Variants in PIK3C3 observed in about 807,000 individuals in gnomAD.
PIK3C3 encodes the protein phosphatidylinositol 3-kinase catalytic subunit type 3.
A neutral mutation model predicts 126.1 loss-of-function variants in PIK3C3; 95 were observed. The observed-to-expected ratio is 0.75, with a 90% CI of 0.64 to 0.89. The LOEUF (loss-of-function observed/expected upper bound fraction) is 0.89. PIK3C3 is among the 40% of genes least tolerant of loss of function. PIK3C3 has a pLI of 0.00. For missense variants in PIK3C3, 829 were observed against 1,063.2 expected (o/e 0.78, Z 3.06); for synonymous variants, 374 against 360.0 (o/e 1.04, Z -0.44).
intron 22 of PIK3C3, among the ~76,000 whole-genome samples, chr18:42,063,863 C>T (rs1223697960): frequency 6.6e-6 from 1 of 152,114 alleles, no homozygotes; most frequent in East Asian, 1.9e-4. Context: ...ACTGAAACAG[C>T]TAAAACCCTT....
intron 10 of PIK3C3, among the ~76,000 whole-genome samples, chr18:42,013,152 C>T (rs1023250234): frequency 3.4e-5 from 5 of 146,008 alleles, no homozygotes; most frequent in Admixed American, 6.9e-5. Context: ...ACCTAAAACA[C>T]GTCATTTACT....
At chr18:42,037,660 C>A (rs1184164418) in intron 16 of PIK3C3, 32 bp from the exon 17 acceptor site, 15 of 1,585,576 alleles carry the variant, frequency 9.5e-6, no homozygotes, top group African/African-American at 2.7e-5. Flanking sequence ...TAATTCATGG[C>A]CAAATTTGAA....
chr18:42,017,146 A>G (rs1983112127), intron 12 of PIK3C3, among the ~76,000 whole-genome samples: 1 of 152,018 alleles, frequency 6.6e-6, no homozygotes, highest in South Asian at 2.1e-4. Flanking sequence ...CCCTTCCCCT[A>G]TTCCCATAGA....
chr18:42,040,541 A>C, intron 18 of PIK3C3, 136 bp from the exon 19 acceptor site: 4 of 594,850 alleles, frequency 6.7e-6, no homozygotes, highest in Non-Finnish European at 1.2e-5. Flanking sequence ...AACTTAATGT[A>C]GTGTACACTG....
At chr18:42,021,260 T>C (rs551581744) in intron 13 of PIK3C3, among the ~76,000 whole-genome samples, 1 of 152,284 alleles carries the variant, frequency 6.6e-6, no homozygotes, top group African/African-American at 2.4e-5. Context: ...CAAGCATAAA[T>C]ATCTCTATTT....
At position 42,063,141 on chromosome 18, in the gene PIK3C3, G is replaced by A. The variant is rs148051610; in HGVS notation, c.2433-1599G>A. Among the ~76,000 whole-genome samples the A allele has an allele frequency of 2.3e-3, 276 of 118,622 alleles. 2 individuals are homozygous for A. Among genetic ancestry groups the A allele is most frequent in the African/African-American group, 5.1e-3 (117 of 22,796 alleles). 77.8% of individuals were successfully genotyped at this position (118,622 alleles called of 152,430 possible). A position where few individuals can be genotyped will look rare whatever the true frequency, so the allele number is the denominator to read the frequency against. On this transcript the variant is annotated intron_variant, in intron 22 of 24. Transcript: ENST00000262039. ...AGTGCATTTCAAATACAACTATACC[G>A]CCTTAAGATGCCTCTCTCTCATTTT...
intron 24 of PIK3C3, among the ~76,000 whole-genome samples, chr18:42,076,089 CATAT>C (rs71174077): frequency 0.014 from 771 of 54,584 alleles, 17 homozygotes; most frequent in African/African-American, 0.03. Flanking sequence ...CTTTACCTTG[CATAT>C]ATATATATAT....
At chr18:42,026,273 A>G (rs1983563923) in intron 13 of PIK3C3, 1 of 152,236 alleles carries the variant, frequency 6.6e-6, no homozygotes, top group African/African-American at 2.4e-5. Flanking sequence ...ATGGTTTTCA[A>G]ACTACACATC....
Position 41,995,945 on chromosome 18 carries a change from C to T in PIK3C3, c.842C>T (p.Pro281Leu). Reference protein sequence around the residue: ...HKLARSLRSGPSDHDLKPNAA... With the variant: ...HKLARSLRSGLSDHDLKPNAA... ...CTTGCCCGGAGTTTAAGAAGTGGAC[C>T]TTCTGACCACGATCTGAAACCCAAT... Residue 281 changes from proline (P) to leucine (L), a missense_variant, in exon 8 of 25, where the codon CCT (proline) becomes CTT (leucine). Physicochemically the swap from Pro to Leu is moderately conservative, Grantham distance 98. This residue lies in a region of PIK3C3 where 313 missense variants were observed against 340.7 expected (regional missense o/e 0.92). Coordinates refer to ENST00000262039, the MANE Select transcript of PIK3C3 (RefSeq NM_002647.4). 1 of 1,612,988 alleles carries T rather than the reference C, an allele frequency of 6.2e-7. No homozygotes were observed. Among genetic ancestry groups the T allele is most frequent in the Non-Finnish European group, 8.5e-7 (1 of 1,179,248 alleles).
chr18:41,978,463 A>G (rs541659929), intron 4 of PIK3C3, among the ~76,000 whole-genome samples: 1 of 152,242 alleles, frequency 6.6e-6, no homozygotes, highest in African/African-American at 2.4e-5. Flanking sequence ...ATAAGGGAAG[A>G]TAACCCAAAA....
At chr18:42,059,183 C>T (rs1002656998) in intron 22 of PIK3C3, among the ~76,000 whole-genome samples, 1 of 152,166 alleles carries the variant, frequency 6.6e-6, no homozygotes, top group Non-Finnish European at 1.5e-5. Flanking sequence ...TTCATTTATG[C>T]ACTGACTAGG....
At chr18:41,960,750 CT>C (rs796506046) in intron 2 of PIK3C3, among the ~76,000 whole-genome samples, 102 of 145,500 alleles carry the variant, frequency 7.0e-4, no homozygotes, top group Non-Finnish European at 8.5e-4. Flanking sequence ...TTTCTTTTTT[CT>C]TTTTTTTTTT....
intron 18 of PIK3C3, among the ~76,000 whole-genome samples, chr18:42,039,510 A>G (rs1021141109): frequency 3.9e-5 from 6 of 152,206 alleles, no homozygotes; most frequent in Non-Finnish European, 7.4e-5. Context: ...CCCTGTGTCT[A>G]TCTTTCAAGC....
At chr18:42,027,342 G>A in intron 13 of PIK3C3, 101 bp from the exon 14 acceptor site, 1 of 511,620 alleles carries the variant, frequency 2.0e-6, no homozygotes, top group Non-Finnish European at 3.4e-6. Context: ...TATTATTTTT[G>A]CATATGTAAA....
At chr18:41,975,825 A>G (rs584022) in intron 4 of PIK3C3, among the ~76,000 whole-genome samples, 12,560 of 150,932 alleles carry the variant, frequency 0.083, 1,707 homozygotes, top group African/African-American at 0.29. Context: ...TCAGCCTCCC[A>G]GGTAGCTGTG....
At chr18:42,080,223 T>G (rs950615117) in intron 24 of PIK3C3, among the ~76,000 whole-genome samples, 2 of 152,178 alleles carry the variant, frequency 1.3e-5, no homozygotes, top group African/African-American at 4.8e-5. Flanking sequence ...TTAAATTGCT[T>G]CTTAAATTCT....
At chr18:42,078,547 A>G (rs533185198) in intron 24 of PIK3C3, among the ~76,000 whole-genome samples, 4 of 152,188 alleles carry the variant, frequency 2.6e-5, no homozygotes, top group Admixed American at 6.5e-5. Flanking sequence ...ATTGACATCA[A>G]CTAAGTCACC....
At chr18:42,076,158 A>G (rs1416444812) in intron 24 of PIK3C3, among the ~76,000 whole-genome samples, 9 of 116,940 alleles carry the variant, frequency 7.7e-5, no homozygotes, top group African/African-American at 3.4e-4. Context: ...ATATATATAT[A>G]TATGCACATA....
rs1240028118 is a variant in PIK3C3 at position 42,083,234 on chromosome 18, C to G, written c.*2097C>G. On this transcript the variant is annotated 3_prime_UTR_variant, in exon 25 of 25. Coordinates refer to ENST00000262039, the MANE Select transcript of PIK3C3 (RefSeq NM_002647.4). ...TCCATTGTTTTTACTCTTTAGAGCT[C>G]TATCCTCAGAGTGTAGTCTGCATAT... 1 of 152,174 alleles carries G rather than the reference C, an allele frequency of 6.6e-6. No individual in the cohort carries two copies. The highest frequency in any genetic ancestry group is 6.5e-5 in the Admixed American group (1 of 15,280). The allele number at this position is 152,174 out of a possible 1,614,324, so 9.4% of individuals were successfully genotyped here.
Sources: allele counts gnomAD v4.1 joint callset (sites outside exome capture counted in the v4.1 genomes callset), GRCh38; gene constraint gnomAD v4.1.1; regional missense constraint gnomAD v4.1.1; transcripts MANE v1.5; gene names NCBI Gene and HGNC (gene_info 2026-07-23, HGNC 2026-07-21).